The following SLC9C2 variants were observed in gnomAD, a reference collection of about 807,000 sequenced individuals.
SLC9C2 encodes sodium/hydrogen exchanger 11.
A neutral mutation model predicts 140.2 loss-of-function variants in SLC9C2; 75 were observed. The ratio of observed to expected loss-of-function variants is 0.53; its 90% confidence interval spans 0.44 to 0.65. The LOEUF (loss-of-function observed/expected upper bound fraction) is 0.65. Ranked by LOEUF, SLC9C2 falls within the 30% of genes least tolerant of loss-of-function variation. The pLI is 0.00. For missense variants in SLC9C2, 1,074 were observed against 1,331.8 expected, an observed-to-expected ratio of 0.81 and a Z score of 3.01; for synonymous variants, 375 against 420.9, an observed-to-expected ratio of 0.89 and a Z score of 1.34.
intron 20 of SLC9C2, among the ~76,000 whole-genome samples, chr1:173,524,342 G>C (rs576417185): frequency 2.0e-5 from 3 of 152,212 alleles, no homozygotes; most frequent in African/African-American, 7.2e-5. Flanking sequence ...TGACACAGTG[G>C]ATGGAGAAGC....
chr1:173,548,583 T>TA (rs1558055258), intron 11 of SLC9C2, 31 bp from the exon 12 acceptor site: 1 of 1,611,980 alleles, frequency 6.2e-7, no homozygotes, highest in African/African-American at 1.3e-5. Flanking sequence ...AAGGCCTTAA[T>TA]AGAGTACAGT....
chr1:173,504,941 G>A (rs1161638736), intron 26 of SLC9C2, among the ~76,000 whole-genome samples: 2 of 152,172 alleles, frequency 1.3e-5, no homozygotes, highest in Admixed American at 1.3e-4. Context: ...TTCTTGCACT[G>A]CCAGCACCAT....
chr1:173,601,911 AT>A, intron 1 of SLC9C2, 56 bp from the exon 2 acceptor site: 1 of 1,069,452 alleles, frequency 9.4e-7, no homozygotes, highest in Non-Finnish European at 1.4e-6. Flanking sequence ...CATCCATACC[AT>A]TTCTACCTAA....
chr1:173,573,651 C>G (rs969467715), intron 8 of SLC9C2, among the ~76,000 whole-genome samples: 1 of 152,184 alleles, frequency 6.6e-6, no homozygotes, highest in African/African-American at 2.4e-5. Flanking sequence ...AACTCTTGGG[C>G]CTGCTACTGC....
At chr1:173,519,718 G>C in intron 22 of SLC9C2, among the ~76,000 whole-genome samples, 1 of 152,132 alleles carries the variant, frequency 6.6e-6, no homozygotes, top group African/African-American at 2.4e-5. Flanking sequence ...AATTCTAATG[G>C]GAGTATAGTA....
intron 9 of SLC9C2, among the ~76,000 whole-genome samples, chr1:173,559,940 C>T (rs1553255079): frequency 6.6e-6 from 1 of 152,172 alleles, no homozygotes; most frequent in Non-Finnish European, 1.5e-5. Context: ...TCCTGTTTGT[C>T]ATAACCTCCA....
intron 23 of SLC9C2, among the ~76,000 whole-genome samples, chr1:173,516,171 G>C (rs112176969): frequency 7.9e-5 from 12 of 152,150 alleles, no homozygotes. Context: ...CCCATTTAAC[G>C]AACCACTTTG....
At position 173,587,830 on chromosome 1, in the gene SLC9C2, C is replaced by T. The variant is rs763847451; in HGVS notation, c.358G>A (p.Val120Ile). 2 of 1,609,434 alleles carry T rather than the reference C, an allele frequency of 1.2e-6. No individual in the cohort carries two copies. The highest frequency in any genetic ancestry group is 1.1e-5 in the South Asian group (1 of 90,586). ...AAGCTAATTAATCCAGTTAACAAGA[C>T]CTGTGAACCAATTCATAACACAGTA... The part of the protein sequence containing the change: ...FYTLKKMFWQ[V>I]LLTGLISFST... Residue 120 changes from valine (V) to isoleucine (I), a missense_variant and splice_region_variant, in exon 5 of 28, where the codon GTC becomes ATC. Physicochemically the swap from Val to Ile is conservative, Grantham distance 29. Transcript: ENST00000367714.
At chr1:173,536,009 A>T in intron 14 of SLC9C2, 60 bp from the exon 15 acceptor site, 1 of 1,394,902 alleles carries the variant, frequency 7.2e-7, no homozygotes, top group South Asian at 1.3e-5. Flanking sequence ...ACTTTGGGTT[A>T]ATATAAAAGG....
rs768667261 is a variant in SLC9C2 at position 173,557,493 on chromosome 1, C to A, written c.1062G>T (p.Leu354Phe). 5.6e-6 allele frequency: 9 copies of A among 1,611,940 alleles called. No individual in the cohort carries two copies. In the South Asian group the frequency reaches 1.0e-4, roughly 18 times the overall value. ...TVNLVRLLTI[L>F]LVSPILMHSN... The stretch of plus-strand genomic sequence containing the variant: ...AATGCATCAAAATAGGGCTCACTAA[C>A]AAAATAGTAAGCAACCTGTGGAGAG... Residue 354 changes from leucine (L) to phenylalanine (F), a missense_variant, in exon 10 of 28, where the codon TTG becomes TTT. Coordinates refer to ENST00000367714, the MANE Select transcript of SLC9C2 (RefSeq NM_178527.4).
At chr1:173,547,961 G>A (rs1662978982) in intron 12 of SLC9C2, among the ~76,000 whole-genome samples, 177 bp from the exon 13 acceptor site, 1 of 152,192 alleles carries the variant, frequency 6.6e-6, no homozygotes, top group Non-Finnish European at 1.5e-5. Flanking sequence ...CTTCAATTGT[G>A]CTAAAGTAAA....
chr1:173,529,713 TTGA>T (rs1214281891), intron 18 of SLC9C2, among the ~76,000 whole-genome samples, 189 bp downstream of exon 18: 7 of 151,478 alleles, frequency 4.6e-5, no homozygotes, highest in Admixed American at 3.3e-4. Flanking sequence ...ATAAATGAGT[TTGA>T]TGATAACAGC....
At position 173,594,339 on chromosome 1, in the gene SLC9C2, G is replaced by A. The variant is rs1210245554; in HGVS notation, c.357+3565C>T. Among the ~76,000 whole-genome samples the A allele has an allele frequency of 2.0e-5, 3 of 152,104 alleles. No homozygotes were observed. The South Asian group carries it at 6.2e-4, about 31-fold the overall frequency. Reference sequence around the variant, plus strand: ...AATGTTCCCTACATGAAGAAATAATGTTTCAGAAGATAAATATGCTAATTA... The same window carrying A: ...AATGTTCCCTACATGAAGAAATAATATTTCAGAAGATAAATATGCTAATTA... On this transcript the variant is annotated intron_variant, in intron 4 of 27. Coordinates refer to ENST00000367714, the MANE Select transcript of SLC9C2 (RefSeq NM_178527.4).
intron 11 of SLC9C2, among the ~76,000 whole-genome samples, chr1:173,551,347 C>G (rs1382751478): frequency 6.6e-6 from 1 of 152,162 alleles, no homozygotes; most frequent in Non-Finnish European, 1.5e-5. Context: ...TCATTATAAA[C>G]TAGTAAATCG....
At chr1:173,537,172 A>G in intron 13 of SLC9C2, 133 bp from the exon 14 acceptor site, 1 of 654,302 alleles carries the variant, frequency 1.5e-6, no homozygotes, top group South Asian at 1.9e-5. Context: ...AAAATTATGT[A>G]GTAGGAAATA....
intron 27 of SLC9C2, among the ~76,000 whole-genome samples, chr1:173,501,494 A>G (rs1469741456): frequency 6.8e-6 from 1 of 147,358 alleles, no homozygotes; most frequent in African/African-American, 2.5e-5. Context: ...GAGGAACTCA[A>G]TTATTTGACT....
intron 19 of SLC9C2, 144 bp from the exon 20 acceptor site, chr1:173,525,071 C>A (rs6696443): frequency 0.19 from 169,953 of 888,862 alleles, 18,617 homozygotes; most frequent in African/African-American, 0.35. Flanking sequence ...GGTCAGCAGG[C>A]AAAGAGTTAT....
intron 19 of SLC9C2, 140 bp downstream of exon 19, chr1:173,526,523 C>G (rs1320473034): frequency 1.4e-6 from 1 of 739,692 alleles, no homozygotes; most frequent in East Asian, 2.7e-5. Context: ...CCATACCTGG[C>G]CCATTAGCTG....
chr1:173,542,417 T>C (rs1258588857), intron 13 of SLC9C2, among the ~76,000 whole-genome samples: 1 of 152,194 alleles, frequency 6.6e-6, no homozygotes, highest in African/African-American at 2.4e-5. Flanking sequence ...CACAGCCAAA[T>C]TCTACCAGAA....
Sources: allele counts gnomAD v4.1 joint callset (sites outside exome capture counted in the v4.1 genomes callset), GRCh38; gene constraint gnomAD v4.1.1; transcripts MANE v1.5; gene names NCBI Gene and HGNC (gene_info 2026-07-23, HGNC 2026-07-21).